The following TAAR2 variants were observed in gnomAD, a reference collection of about 807,000 sequenced individuals.
TAAR2 encodes trace amine-associated receptor 2.
A neutral mutation model predicts 25.5 loss-of-function variants in TAAR2; 30 were observed. The ratio of observed to expected loss-of-function variants is 1.18; its 90% CI spans 0.88 to 1.60. The LOEUF (loss-of-function observed/expected upper bound fraction) is 1.60, where lower values mean the gene tolerates loss of function less well. Ranked by LOEUF, TAAR2 falls within the 40% of genes most tolerant of loss-of-function variation. TAAR2 has a pLI of 0.00. For missense variants in TAAR2, 481 were observed against 416.5 expected, an observed-to-expected ratio of 1.15 and a Z score of -1.35; for synonymous variants, 150 against 142.4, an observed-to-expected ratio of 1.05 and a Z score of -0.38.
Position 132,617,873 on chromosome 6 carries a change from A to C in TAAR2, c.333T>G (p.Phe111Leu), listed in dbSNP as rs1009545699. The C allele has an allele frequency of 3.1e-6, 5 of 1,614,098 alleles. No homozygotes were observed. The highest frequency in any genetic ancestry group is 2.5e-6 in the Non-Finnish European group (3 of 1,179,998). The change falls in exon 2 of 2, where the codon TTT (phenylalanine) becomes TTG (leucine). Residue 111 changes from phenylalanine (F) to leucine (L), a missense_variant. Physicochemically the swap from Phe to Leu is conservative, Grantham distance 22. Transcript: ENST00000367931. Reference sequence around the variant, plus strand: ...AATAAATCTTGCAAAATGTAAGCCCAAAATACCAGCAGTTCTCCACCGATC... The same window carrying C: ...AATAAATCTTGCAAAATGTAAGCCCCAAATACCAGCAGTTCTCCACCGATC... The part of the protein sequence containing the change: ...MIRSVENCWY[F>L]GLTFCKIYYS...
At chr6:132,618,949 T>G (rs911107519) in intron 1 of TAAR2, among the ~76,000 whole-genome samples, 5 of 152,348 alleles carry the variant, frequency 3.3e-5, no homozygotes, top group African/African-American at 1.2e-4. Flanking sequence ...TTTGTTTTAT[T>G]CATACGAATG....
chr6:132,620,530 A>G (rs1777357848), intron 1 of TAAR2, among the ~76,000 whole-genome samples: 1 of 152,134 alleles, frequency 6.6e-6, no homozygotes, highest in Admixed American at 6.6e-5. Context: ...CTAACCAAAT[A>G]CTGCATGCTC....
At chr6:132,620,583 A>T (rs981074647) in intron 1 of TAAR2, among the ~76,000 whole-genome samples, 1 of 152,130 alleles carries the variant, frequency 6.6e-6, no homozygotes, top group Non-Finnish European at 1.5e-5. Flanking sequence ...TTATGAACAC[A>T]AAGAAGGAAA....
At position 132,617,183 on chromosome 6, in the gene TAAR2, A is replaced by C. The variant is rs1351401439; in HGVS notation, c.1023T>G (p.Asn341Lys). The change falls in exon 2 of 2, where the codon AAT (asparagine) becomes AAG (lysine). Residue 341 changes from asparagine to lysine, a missense_variant. Asn to Lys is a moderately conservative substitution (Grantham distance 94). Coordinates refer to ENST00000367931, the MANE Select transcript of TAAR2 (RefSeq NM_001033080.1). ...LGKIFSSCFH[N>K]TILCMQKESE ...TTTCTTTTTGCATACACAAAATAGT[A>C]TTATGGAAACATGAGCTGAAAATTT... 3.1e-6 allele frequency: 5 copies of C among 1,601,130 alleles called. No homozygotes were observed. The highest frequency in any genetic ancestry group is 4.2e-6 in the Non-Finnish European group (5 of 1,176,992).
intron 1 of TAAR2, among the ~76,000 whole-genome samples, chr6:132,622,753 G>A (rs1036736452): frequency 1.3e-5 from 2 of 151,908 alleles, no homozygotes; most frequent in Non-Finnish European, 2.9e-5. Flanking sequence ...CAAAGTTCTG[G>A]AATTACAGGC....
intron 1 of TAAR2, among the ~76,000 whole-genome samples, chr6:132,619,265 G>A (rs1777342731): frequency 6.6e-6 from 1 of 152,200 alleles, no homozygotes; most frequent in African/African-American, 2.4e-5. Context: ...TGCCCTCCTT[G>A]TGTTGGGCCA....
chr6:132,619,074 A>G (rs1260536051), intron 1 of TAAR2, among the ~76,000 whole-genome samples: 2 of 152,258 alleles, frequency 1.3e-5, no homozygotes, highest in Non-Finnish European at 2.9e-5. Context: ...GCTAAGTCAG[A>G]GGTGGGCACA....
At chr6:132,619,182 C>T (rs1777341645) in intron 1 of TAAR2, among the ~76,000 whole-genome samples, 1 of 152,210 alleles carries the variant, frequency 6.6e-6, no homozygotes, top group Admixed American at 6.5e-5. Context: ...GTAGGCCACA[C>T]ACAAGGCTAT....
intron 1 of TAAR2, among the ~76,000 whole-genome samples, chr6:132,619,346 T>C (rs532132877): frequency 2.0e-5 from 3 of 152,350 alleles, no homozygotes; most frequent in East Asian, 1.9e-4. Context: ...AACACGTTCA[T>C]GAGTTAGAAT....
chr6:132,623,765 C>T (rs1777408395), intron 1 of TAAR2, among the ~76,000 whole-genome samples: 1 of 151,496 alleles, frequency 6.6e-6, no homozygotes, highest in Non-Finnish European at 1.5e-5. Context: ...GCTCAATGAG[C>T]TTAAACCACT....
intron 1 of TAAR2, among the ~76,000 whole-genome samples, chr6:132,618,839 T>C (rs370223039): frequency 6.6e-6 from 1 of 152,196 alleles, no homozygotes; most frequent in East Asian, 1.9e-4. Flanking sequence ...AAATATATAA[T>C]CAGATTTGAT....
chr6:132,621,479 T>G (rs1000496450), intron 1 of TAAR2, among the ~76,000 whole-genome samples: 14 of 152,100 alleles, frequency 9.2e-5, no homozygotes, highest in African/African-American at 3.1e-4. Context: ...CGTGTACTCT[T>G]GTTAAGCTCC....
intron 1 of TAAR2, among the ~76,000 whole-genome samples, chr6:132,623,095 C>A (rs1777396842): frequency 6.6e-6 from 1 of 152,050 alleles, no homozygotes; most frequent in Non-Finnish European, 1.5e-5. Flanking sequence ...TTCAAGTACA[C>A]ATTTGACCAG....
intron 1 of TAAR2, among the ~76,000 whole-genome samples, chr6:132,621,714 A>G (rs940420409): frequency 1.3e-5 from 2 of 152,292 alleles, no homozygotes; most frequent in African/African-American, 4.8e-5. Context: ...AACTTTAATT[A>G]GATAATTAGT....
In TAAR2 at chr6:132,617,679, A is replaced by T. The variant is rs369709505; in HGVS notation, c.527T>A (p.Phe176Tyr). 10 of 1,613,790 alleles carry T rather than the reference A, an allele frequency of 6.2e-6. No homozygotes were observed. Among genetic ancestry groups the T allele is most frequent in the Non-Finnish European group, 7.6e-6 (9 of 1,179,976 alleles). Residue 176 changes from phenylalanine to tyrosine, a missense_variant, in exon 2 of 2, where the codon TTC (phenylalanine) becomes TAC (tyrosine). Phe to Tyr is a conservative substitution (Grantham distance 22). Transcript: ENST00000367931. The part of the protein sequence containing the change: ...LCWSVPGAFA[F>Y]GVVFSEAYAD... ...ATAGGCCTCTGAGAAGACCACCCCG[A>T]AGGCAAATGCTCCAGGGACCGACCA... is the stretch of plus-strand genomic sequence containing the variant.
intron 1 of TAAR2, among the ~76,000 whole-genome samples, chr6:132,622,729 C>T (rs1228700470): frequency 6.6e-6 from 1 of 151,992 alleles, no homozygotes. Flanking sequence ...CATCATTCGC[C>T]CACCTTGGCC....
intron 1 of TAAR2, 35 bp from the exon 2 acceptor site, chr6:132,618,180 A>C: frequency 1.3e-6 from 2 of 1,519,064 alleles, no homozygotes; most frequent in Non-Finnish European, 1.8e-6. Context: ...ATTTTGTCAG[A>C]ATATAAATAT....
At position 132,622,309 on chromosome 6, in the gene TAAR2, T is replaced by C. The variant is rs113852010; in HGVS notation, c.60+1907A>G. Among the ~76,000 whole-genome samples, 1,091 of 151,354 alleles carry C rather than the reference T, an allele frequency of 7.2e-3. 13 individuals carry two copies. Among genetic ancestry groups the C allele is most frequent in the African/African-American group, 0.024 (1,015 of 41,444 alleles). ...ATGACCACAATGACAAAGAATTTTC[T>C]ATTTTTTCTAATTATTTATTATTAT... On this transcript the variant is annotated intron_variant, in intron 1 of 1. Transcript: ENST00000367931.
chr6:132,617,150 C>T lies in TAAR2; in HGVS notation c.1056G>A (p.Ter352=), dbSNP rs1160015222. 2 of 1,573,130 alleles carry T rather than the reference C, an allele frequency of 1.3e-6. No individual in the cohort carries two copies. Among genetic ancestry groups the T allele is most frequent in the Non-Finnish European group, 1.7e-6 (2 of 1,166,686 alleles). Residue 352 remains the stop codon, a stop_retained_variant, in exon 2 of 2, where the codon TAG becomes TAA. Coordinates refer to ENST00000367931, the MANE Select transcript of TAAR2 (RefSeq NM_001033080.1). ...TTCAATTTATTCATGCAGAAAAAGCCTACTCACTTTCTTTTTGCATACACA... is the reference window on the plus strand; with the variant it reads ...TTCAATTTATTCATGCAGAAAAAGCTTACTCACTTTCTTTTTGCATACACA... ...TILCMQKESE[*]
Sources: gnomAD v4.1 joint callset for allele counts (sites outside exome capture counted in the v4.1 genomes callset) on GRCh38, gnomAD v4.1.1 for gene constraint, MANE v1.5 for transcripts, NCBI Gene and HGNC (gene_info 2026-07-23, HGNC 2026-07-21) for gene names.